The following AAGAB variants were observed in gnomAD, a reference collection of about 807,000 sequenced individuals.
AAGAB encodes the protein alpha- and gamma-adaptin-binding protein p34.
In AAGAB, 38 loss-of-function variants were observed where a neutral mutation model predicts 44.1. The observed-to-expected ratio is 0.86, with a 90% confidence interval of 0.67 to 1.13. The LOEUF (loss-of-function observed/expected upper bound fraction) is 1.13. Among genes scored for constraint, AAGAB ranks in the 50% most tolerant of loss-of-function variants. The pLI, the probability that AAGAB is intolerant of heterozygous loss-of-function variation, is 0.00. For missense variants in AAGAB, 450 were observed against 373.8 expected, an observed-to-expected ratio of 1.20 and a Z score of -1.68; for synonymous variants, 131 against 131.8, an observed-to-expected ratio of 0.99 and a Z score of 0.04.
intron 5 of AAGAB, among the ~76,000 whole-genome samples, chr15:67,222,995 T>C (rs189264421): frequency 2.3e-4 from 35 of 152,320 alleles, no homozygotes; most frequent in Admixed American, 6.5e-4. Context: ...ATGAGCAGCA[T>C]TGGCATAGCT....
At chr15:67,246,721 C>G (rs973750712) in intron 1 of AAGAB, among the ~76,000 whole-genome samples, 5 of 150,248 alleles carry the variant, frequency 3.3e-5, no homozygotes, top group African/African-American at 9.7e-5. Context: ...TAAAAACACA[C>G]CAATCAGCAC....
At chr15:67,235,930 A>T in intron 4 of AAGAB, 49 bp downstream of exon 4, 1 of 1,295,854 alleles carries the variant, frequency 7.7e-7, no homozygotes. Context: ...AATTAAAATA[A>T]TCTCTCATAT....
intron 1 of AAGAB, among the ~76,000 whole-genome samples, chr15:67,249,216 G>A (rs1964802370): frequency 6.6e-6 from 1 of 152,008 alleles, no homozygotes; most frequent in Admixed American, 6.6e-5. Flanking sequence ...TGCATTTTTA[G>A]TAGAGATGGG....
intron 5 of AAGAB, among the ~76,000 whole-genome samples, chr15:67,224,526 A>C (rs1964156479): frequency 6.6e-6 from 1 of 152,114 alleles, no homozygotes; most frequent in African/African-American, 2.4e-5. Context: ...ACTCCATATT[A>C]AACATAGTCC....
chr15:67,236,321 T>C (rs1964462963), intron 3 of AAGAB, 87 bp downstream of exon 3: 2 of 1,240,822 alleles, frequency 1.6e-6, no homozygotes, highest in Non-Finnish European at 2.3e-6. Context: ...ATGGGATGTA[T>C]GTCCTAAGTT....
chr15:67,235,957 C>T, intron 4 of AAGAB, 22 bp downstream of exon 4: 1 of 1,518,010 alleles, frequency 6.6e-7, no homozygotes, highest in South Asian at 1.2e-5. Flanking sequence ...GCCATATTTT[C>T]TCCTAACACA....
rs777610544 is a variant in AAGAB at position 67,236,788 on chromosome 15, C to T, written c.106G>A (p.Val36Met). 36 of 1,611,314 alleles carry T rather than the reference C, an allele frequency of 2.2e-5. 1 individual carries two copies. In the South Asian group the frequency reaches 3.3e-4, roughly 15 times the overall value. ...AATCTCACAGCATCATTGGAAGTCA[C>T]TTCCACAATAAGATCTTCTGTTCCA... ...ILGTEDLIVE[V>M]TSNDAVRFYP... Residue 36 changes from valine to methionine, a missense_variant, in exon 2 of 10, where the codon GTG (valine) becomes ATG (methionine). Transcript: ENST00000261880.
At chr15:67,242,997 C>T (rs1186210609) in intron 1 of AAGAB, 1 of 152,122 alleles carries the variant, frequency 6.6e-6, no homozygotes, top group Non-Finnish European at 1.5e-5. Context: ...TCCACATGCT[C>T]GTAAGCTTTT....
At chr15:67,251,065 C>A (rs1446971384) in intron 1 of AAGAB, among the ~76,000 whole-genome samples, 2 of 151,962 alleles carry the variant, frequency 1.3e-5, no homozygotes. Flanking sequence ...AAAAATCTAC[C>A]CCGTCAGTAA....
chr15:67,203,196 T>C (rs373814555), intron 9 of AAGAB, among the ~76,000 whole-genome samples: 4 of 152,208 alleles, frequency 2.6e-5, no homozygotes, highest in Admixed American at 1.3e-4. Flanking sequence ...CAGGATAAAT[T>C]ATGACACATA....
intron 5 of AAGAB, among the ~76,000 whole-genome samples, chr15:67,211,110 G>C (rs1044424890): frequency 1.3e-5 from 2 of 152,098 alleles, no homozygotes; most frequent in African/African-American, 4.8e-5. Flanking sequence ...TTTAAACTGG[G>C]ATGAAGCCTC....
At chr15:67,235,705 TATG>T (rs1259212549) in intron 4 of AAGAB, among the ~76,000 whole-genome samples, 2 of 152,090 alleles carry the variant, frequency 1.3e-5, no homozygotes, top group Non-Finnish European at 2.9e-5. Flanking sequence ...GAAAAAGGAT[TATG>T]GAAATGACAA....
At chr15:67,207,623 G>T (rs1158433068) in intron 7 of AAGAB, among the ~76,000 whole-genome samples, 2 of 152,178 alleles carry the variant, frequency 1.3e-5, no homozygotes, top group Non-Finnish European at 2.9e-5. Flanking sequence ...AATTTACTAA[G>T]TAGAGTTCAG....
intron 5 of AAGAB, among the ~76,000 whole-genome samples, chr15:67,211,629 C>G (rs1244689224): frequency 1.3e-5 from 2 of 152,170 alleles, no homozygotes; most frequent in African/African-American, 4.8e-5. Context: ...GCTATTTGTA[C>G]AAAAGGCAAT....
At chr15:67,250,821 T>C (rs1311756703) in intron 1 of AAGAB, among the ~76,000 whole-genome samples, 1 of 152,108 alleles carries the variant, frequency 6.6e-6, no homozygotes, top group Non-Finnish European at 1.5e-5. Context: ...GGTCAAGAGA[T>C]GGAGACCATC....
intron 7 of AAGAB, among the ~76,000 whole-genome samples, chr15:67,208,174 CTT>C (rs964710639): frequency 6.6e-5 from 10 of 151,496 alleles, no homozygotes; most frequent in African/African-American, 2.4e-4. Flanking sequence ...TATAAAATAA[CTT>C]TAAAAGCATA....
At chr15:67,227,003 T>C (rs1384265176) in intron 5 of AAGAB, 1 of 203,742 alleles carries the variant, frequency 4.9e-6, no homozygotes, top group Non-Finnish European at 1.1e-5. Flanking sequence ...GGCCATTTGT[T>C]GCAACAGCTA....
intron 5 of AAGAB, chr15:67,226,721 TACTA>T (rs1257810631): frequency 6.6e-6 from 1 of 152,326 alleles, no homozygotes; most frequent in Non-Finnish European, 1.5e-5. Flanking sequence ...GCTTGTGTAT[TACTA>T]ACTTTTAAGA....
At chr15:67,228,778 G>A (rs372021711) in intron 5 of AAGAB, among the ~76,000 whole-genome samples, 2 of 152,242 alleles carry the variant, frequency 1.3e-5, no homozygotes, top group South Asian at 2.1e-4. Flanking sequence ...CATACACCAC[G>A]GAATACTACA....
Sources: gnomAD v4.1 joint callset for allele counts (sites outside exome capture counted in the v4.1 genomes callset) on GRCh38, gnomAD v4.1.1 for gene constraint, MANE v1.5 for transcripts, NCBI Gene and HGNC (gene_info 2026-07-23, HGNC 2026-07-21) for gene names.